The following PICALM variants were observed in gnomAD, a reference collection of about 807,000 sequenced individuals.
The protein encoded by PICALM is phosphatidylinositol-binding clathrin assembly protein.
In PICALM, 40 loss-of-function variants were observed where a neutral mutation model predicts 80.5. That is an observed-to-expected ratio of 0.50 (90% CI 0.39 to 0.65). The LOEUF (loss-of-function observed/expected upper bound fraction) is 0.65, where lower values mean the gene tolerates loss of function less well. PICALM is among the 30% of genes least tolerant of loss of function. The pLI is 0.00. For missense variants in PICALM, 676 were observed against 778.9 expected (o/e 0.87, Z 1.57); for synonymous variants, 288 against 260.3 (o/e 1.11, Z -1.02).
rs576599716 is a variant in PICALM, at chr11:85,964,028, T to TA, written c.1945-4969dup. ...CAAACACACCTAGCTTAAAGAAGGTTAAAAAAAGTCTATTGATAGACTATC... is the reference window on the plus strand; with the variant it reads ...CAAACACACCTAGCTTAAAGAAGGTTAAAAAAAAGTCTATTGATAGACTATC... On this transcript the variant is annotated intron_variant, in intron 19 of 19. Transcript: ENST00000393346. Among the ~76,000 whole-genome samples the TA allele has an allele frequency of 1.7e-4, 25 of 149,018 alleles. No individual in the cohort carries two copies. The East Asian group carries it at 3.3e-3, about 20-fold the overall frequency.
intron 4 of PICALM, among the ~76,000 whole-genome samples, 189 bp from the exon 5 acceptor site, chr11:86,015,152 T>C (rs1565418594): frequency 6.6e-6 from 1 of 151,984 alleles, no homozygotes; most frequent in Non-Finnish European, 1.5e-5. Flanking sequence ...GGCAACACAA[T>C]ATGTCAAATA....
At chr11:86,025,211 C>T (rs1411852967) in intron 3 of PICALM, among the ~76,000 whole-genome samples, 1 of 152,098 alleles carries the variant, frequency 6.6e-6, no homozygotes, top group Non-Finnish European at 1.5e-5. Flanking sequence ...ACCATCCTGG[C>T]CAACATGGTG....
intron 17 of PICALM, among the ~76,000 whole-genome samples, chr11:85,977,682 G>C (rs1443082610): frequency 1.3e-5 from 2 of 152,194 alleles, no homozygotes; most frequent in African/African-American, 4.8e-5. Flanking sequence ...ACCAAGATCT[G>C]CAAGAGCAGT....
intron 19 of PICALM, among the ~76,000 whole-genome samples, chr11:85,963,240 A>G (rs1295164026): frequency 6.6e-6 from 1 of 152,206 alleles, no homozygotes; most frequent in African/African-American, 2.4e-5. Context: ...CATAAAGCAC[A>G]AAATCATCAA....
chr11:86,028,187 A>G (rs1263985971), intron 2 of PICALM, among the ~76,000 whole-genome samples: 1 of 152,174 alleles, frequency 6.6e-6, no homozygotes, highest in African/African-American at 2.4e-5. Context: ...CAGCATCCTA[A>G]TGATATTCAA....
chr11:85,993,166 G>T (rs1370109805), intron 12 of PICALM, among the ~76,000 whole-genome samples: 2 of 151,094 alleles, frequency 1.3e-5, no homozygotes, highest in African/African-American at 4.9e-5. Flanking sequence ...GCTTACTGCA[G>T]CCTCGACCTT....
intron 12 of PICALM, among the ~76,000 whole-genome samples, chr11:85,996,416 G>T (rs1481708887): frequency 1.3e-5 from 2 of 151,492 alleles, no homozygotes; most frequent in Non-Finnish European, 2.9e-5. Flanking sequence ...TACCATCTGA[G>T]TTTTATTAGA....
chr11:86,011,845 CTTTTTGTTTTTT>C (rs1020434547), intron 6 of PICALM, among the ~76,000 whole-genome samples: 7 of 144,982 alleles, frequency 4.8e-5, no homozygotes, highest in Non-Finnish European at 6.1e-5. Flanking sequence ...ACTTACTATC[CTTTTTGTTTTTT>C]TTTTTTTTTT....
intron 19 of PICALM, among the ~76,000 whole-genome samples, chr11:85,970,129 C>G (rs998231938): frequency 6.6e-6 from 1 of 152,142 alleles, no homozygotes; most frequent in Non-Finnish European, 1.5e-5. Context: ...GAGAAGTAAA[C>G]ATGCCAGAGA....
At chr11:85,976,855 T>A (rs999814052) in intron 17 of PICALM, 173 bp from the exon 18 acceptor site, 1 of 521,074 alleles carries the variant, frequency 1.9e-6, no homozygotes, top group East Asian at 3.0e-5. Flanking sequence ...AAAAGTGTTT[T>A]GAAATTAGCA....
Position 85,982,101 on chromosome 11 carries a change from T to C in PICALM, c.1517-98A>G, listed in dbSNP as rs553004922. 24 of 1,089,878 alleles carry C rather than the reference T, an allele frequency of 2.2e-5. No homozygotes were observed. The East Asian group carries it at 4.8e-4, about 22-fold the overall frequency. The allele number at this position is 1,089,878 out of a possible 1,614,324, so 67.5% of individuals were successfully genotyped here. ...TTGCCTTTTCTCCTTGTTTATTCAC[T>C]GGAAAAGTTATCCAAAAAATAGACA... On this transcript the variant is annotated intron_variant, in intron 14 of 19. Coordinates refer to ENST00000393346, the MANE Select transcript of PICALM (RefSeq NM_007166.4).
intron 19 of PICALM, among the ~76,000 whole-genome samples, chr11:85,959,609 G>A (rs2093619570): frequency 8.0e-6 from 1 of 124,686 alleles, no homozygotes; most frequent in Admixed American, 9.9e-5. Context: ...CTCCAGCCTG[G>A]GAGACAAGAG....
chr11:85,970,911 G>C (rs781094534), intron 19 of PICALM, among the ~76,000 whole-genome samples: 1 of 152,182 alleles, frequency 6.6e-6, no homozygotes, highest in Non-Finnish European at 1.5e-5. Context: ...ATTAAATCGG[G>C]GAGGCAGAGA....
chr11:85,997,674 T>C (rs1022904384), intron 11 of PICALM, among the ~76,000 whole-genome samples: 2 of 152,196 alleles, frequency 1.3e-5, no homozygotes, highest in African/African-American at 4.8e-5. Flanking sequence ...TTTCACCATG[T>C]TGGCCAGCCT....
intron 1 of PICALM, among the ~76,000 whole-genome samples, chr11:86,061,550 C>T (rs1346888876): frequency 6.6e-6 from 1 of 151,872 alleles, no homozygotes; most frequent in Non-Finnish European, 1.5e-5. Context: ...CAAATTAAAA[C>T]AATACCACTA....
chr11:86,048,508 T>C (rs1204824227), intron 1 of PICALM, among the ~76,000 whole-genome samples: 2 of 152,128 alleles, frequency 1.3e-5, no homozygotes, highest in African/African-American at 4.8e-5. Context: ...TACATAGTTC[T>C]GTGAAGAAAA....
chr11:86,048,494 C>A (rs1463807401), intron 1 of PICALM, among the ~76,000 whole-genome samples: 1 of 152,076 alleles, frequency 6.6e-6, no homozygotes, highest in Non-Finnish European at 1.5e-5. Flanking sequence ...AACAAATACA[C>A]AAATACATAG....
intron 9 of PICALM, among the ~76,000 whole-genome samples, chr11:86,001,609 G>A (rs978003965): frequency 4.6e-5 from 7 of 152,196 alleles, no homozygotes; most frequent in South Asian, 2.1e-4. Flanking sequence ...AACACGTAAC[G>A]TAAGTCTAGG....
At chr11:85,959,270 T>A (rs1464555614) in intron 19 of PICALM, among the ~76,000 whole-genome samples, 2 of 152,136 alleles carry the variant, frequency 1.3e-5, no homozygotes, top group Non-Finnish European at 1.5e-5. Flanking sequence ...CAAATAATGT[T>A]TTTTGTTGTT....
Sources: gnomAD v4.1 joint callset for allele counts (sites outside exome capture counted in the v4.1 genomes callset) on GRCh38, gnomAD v4.1.1 for gene constraint, MANE v1.5 for transcripts, NCBI Gene and HGNC (gene_info 2026-07-23, HGNC 2026-07-21) for gene names.